ALOX12: variants seen among roughly 807,000 people sequenced by gnomAD.
The protein encoded by ALOX12 is arachidonate 12-lipoxygenase, 12S type.
Under a neutral mutation model 85.5 loss-of-function variants are expected in ALOX12, and 62 were observed. The observed-to-expected ratio is 0.73, with a 90% CI of 0.59 to 0.90. The LOEUF is 0.90. ALOX12 is among the 40% of genes least tolerant of loss of function. The probability of loss-of-function intolerance (pLI) is 0.00; values close to 1 mark genes in which losing one functional copy is unlikely to be tolerated. For synonymous variants in ALOX12, 299 were observed against 332.7 expected (o/e 0.90, Z 1.10); for missense variants, 751 against 856.5 (o/e 0.88, Z 1.54).
intron 2 of ALOX12, 72 bp downstream of exon 2, chr17:6,997,099 A>G (rs768721604): frequency 2.0e-6 from 3 of 1,473,334 alleles, no homozygotes; most frequent in Non-Finnish European, 2.7e-6. Context: ...GGCAGAGTTA[A>G]GGACGGTCGG....
intron 6 of ALOX12, 152 bp downstream of exon 6, chr17:6,999,618 T>C (rs1301154587): frequency 5.2e-6 from 4 of 767,050 alleles, no homozygotes; most frequent in Non-Finnish European, 8.1e-6. Flanking sequence ...ATAAAATATG[T>C]AGGGGAAGAA....
chr17:6,998,095 G>A (rs900513043), intron 2 of ALOX12, among the ~76,000 whole-genome samples: 1 of 151,810 alleles, frequency 6.6e-6, no homozygotes, highest in African/African-American at 2.4e-5. Context: ...GGCGTGGCAG[G>A]TGAGGTTTAA....
chr17:7,005,147 G>A, intron 8 of ALOX12, 110 bp from the exon 9 acceptor site: 1 of 966,046 alleles, frequency 1.0e-6, no homozygotes, highest in Non-Finnish European at 1.7e-6. Context: ...AGATCAGCCT[G>A]TAAAGGAAAG....
rs913192830 is a variant in ALOX12 at position 7,004,389 on chromosome 17, A to G, written c.1162-868A>G. ...ATATTAATTTAATTTAATTTAATTT[A>G]ATATTAATTAATTTAATTTTAATTT... On this transcript the variant is annotated intron_variant, in intron 8 of 13. Transcript: ENST00000251535. 1.9e-4 allele frequency among the ~76,000 whole-genome samples: 27 copies of G among 140,724 alleles called. No homozygotes were observed. In the East Asian group the frequency reaches 5.1e-3, roughly 26 times the overall value. The allele number at this position is 140,724 out of a possible 152,430, so 92.3% of individuals were successfully genotyped here.
At chr17:6,997,690 T>C (rs1469506673) in intron 2 of ALOX12, among the ~76,000 whole-genome samples, 2 of 151,590 alleles carry the variant, frequency 1.3e-5, no homozygotes, top group Admixed American at 6.6e-5. Context: ...CCCGAGTAGC[T>C]GGGACTACAG....
At chr17:7,005,472 G>C in intron 9 of ALOX12, 129 bp downstream of exon 9, 1 of 322,438 alleles carries the variant, frequency 3.1e-6, no homozygotes, top group Middle Eastern at 9.5e-4. Flanking sequence ...TTATACCCAT[G>C]TCTTTTTTTT....
At chr17:7,006,135 C>T in intron 10 of ALOX12, 108 bp downstream of exon 10, 3 of 940,282 alleles carry the variant, frequency 3.2e-6, no homozygotes, top group East Asian at 2.7e-5. Context: ...AAGCAGAGAA[C>T]TCAATCCTGG....
chr17:7,009,302 G>C (rs564645617), intron 11 of ALOX12, among the ~76,000 whole-genome samples: 1 of 151,154 alleles, frequency 6.6e-6, no homozygotes, highest in Non-Finnish European at 1.5e-5. Flanking sequence ...CTCGTGATCC[G>C]CCCATCTTGG....
chr17:7,004,127 T>C (rs1567719014), intron 8 of ALOX12, among the ~76,000 whole-genome samples: 1 of 136,616 alleles, frequency 7.3e-6, no homozygotes, highest in East Asian at 2.1e-4. Flanking sequence ...AATTTTAATT[T>C]TAAATAAATA....
In ALOX12 at chr17:6,998,353, G is replaced by A. The variant is rs2292350; in HGVS notation, c.338-156G>A. Among the ~76,000 whole-genome samples, 48,986 of 152,010 alleles carry A rather than the reference G, an allele frequency of 0.32. 9,266 individuals are homozygous for A. The highest frequency in any genetic ancestry group is 0.45 in the Middle Eastern group (133 of 294). ...CAAAGTTGGCAAAGATGGGATAAAC[G>A]TGTCTGGTGGATAATCAAATGAGGC... On this transcript the variant is annotated intron_variant, in intron 2 of 13. Transcript: ENST00000251535.
intron 6 of ALOX12, 62 bp downstream of exon 6, chr17:6,999,528 A>G: frequency 6.4e-7 from 1 of 1,567,178 alleles, no homozygotes; most frequent in Admixed American, 1.7e-5. Flanking sequence ...GAACGGACAG[A>G]GAGAATCCAA....
chr17:7,001,373 CACT>C (rs1908701658), intron 7 of ALOX12: 1 of 565,334 alleles, frequency 1.8e-6, no homozygotes. Context: ...TCTCCCACAC[CACT>C]GTTAGGGCCT....
At chr17:7,007,379 C>G (rs1252540587) in intron 11 of ALOX12, among the ~76,000 whole-genome samples, 1 of 152,196 alleles carries the variant, frequency 6.6e-6, no homozygotes, top group African/African-American at 2.4e-5. Context: ...CACTTCAGAT[C>G]TAGGCTGTGA....
Position 7,005,851 on chromosome 17 carries a change from G to A in ALOX12, c.1249-7G>A, listed in dbSNP as rs755559457. The A allele has an allele frequency of 6.2e-7, 1 of 1,610,638 alleles. No homozygotes were observed. The highest frequency in any genetic ancestry group is 1.1e-5 in the South Asian group (1 of 91,032). ...CCCCCTCTAAGACCTGTGATCTCCTGTCCCAGGCAGTGAGCACAGGTGGAG... is the reference window on the plus strand; with the variant it reads ...CCCCCTCTAAGACCTGTGATCTCCTATCCCAGGCAGTGAGCACAGGTGGAG... On this transcript the variant is annotated splice_region_variant and splice_polypyrimidine_tract_variant and intron_variant, in intron 9 of 13. Transcript: ENST00000251535.
chr17:7,007,386 G>A (rs1254301698), intron 11 of ALOX12, among the ~76,000 whole-genome samples: 1 of 152,180 alleles, frequency 6.6e-6, no homozygotes, highest in Admixed American at 6.5e-5. Flanking sequence ...GATCTAGGCT[G>A]TGAATACCAT....
rs146741845 is a variant in ALOX12 at position 7,009,430 on chromosome 17, C to T, written c.1541-317C>T. On this transcript the variant is annotated intron_variant, in intron 11 of 13. Transcript: ENST00000251535. The stretch of plus-strand genomic sequence containing the variant: ...CACTCAGAACTTTTCAGCCCCCAAT[C>T]CTTCCATAACAATAATTATTACTTA... 451 of 251,638 alleles carry T rather than the reference C, an allele frequency of 1.8e-3. 3 individuals are homozygous for T. Among genetic ancestry groups the T allele is most frequent in the Non-Finnish European group, 2.8e-3 (362 of 127,974 alleles). The allele number at this position is 251,638 out of a possible 1,614,324, so 15.6% of individuals were successfully genotyped here.
At position 7,010,282 on chromosome 17, in the gene ALOX12, C is replaced by A. The variant is rs749127626; in HGVS notation, c.1851C>A (p.Gly617=). 25 of 1,614,014 alleles carry A rather than the reference C, an allele frequency of 1.5e-5. No individual in the cohort carries two copies. Among genetic ancestry groups the A allele is most frequent in the South Asian group, 9.9e-5 (9 of 91,078 alleles). ...LGHHKEKYFS[G]PKPKAVLNQF... ...ACCACAAAGAAAAATATTTCTCAGGCCCCAAGCCCAAAGCTGTGCTAAACC... is the reference window on the plus strand; with the variant it reads ...ACCACAAAGAAAAATATTTCTCAGGACCCAAGCCCAAAGCTGTGCTAAACC... Residue 617 remains glycine (G), a synonymous_variant, in exon 14 of 14, where the codon GGC becomes GGA. Transcript: ENST00000251535.
At chr17:6,999,525 CAG>C (rs1908609047) in intron 6 of ALOX12, 59 bp downstream of exon 6, 1 of 1,569,200 alleles carries the variant, frequency 6.4e-7, no homozygotes, top group South Asian at 1.1e-5. Flanking sequence ...TGAGAACGGA[CAG>C]AGAGAATCCA....
At chr17:6,997,214 G>C (rs960994691) in intron 2 of ALOX12, 187 bp downstream of exon 2, 1 of 883,702 alleles carries the variant, frequency 1.1e-6, no homozygotes, top group African/African-American at 1.8e-5. Flanking sequence ...GTTTTACACA[G>C]GCTAAGAGAG....
Sources: allele counts gnomAD v4.1 joint callset (sites outside exome capture counted in the v4.1 genomes callset), GRCh38; gene constraint gnomAD v4.1.1; transcripts MANE v1.5; gene names NCBI Gene and HGNC (gene_info 2026-07-23, HGNC 2026-07-21).